GRAMD1A: variants seen among roughly 807,000 people sequenced by gnomAD.
GRAMD1A encodes the protein protein Aster-A.
Under a neutral mutation model 92.0 loss-of-function variants are expected in GRAMD1A, and 50 were observed. That is an observed-to-expected ratio of 0.54 (90% confidence interval 0.43 to 0.69). GRAMD1A has a LOEUF of 0.69. Ranked by LOEUF, GRAMD1A falls within the 30% of genes least tolerant of loss-of-function variation. The probability of loss-of-function intolerance (pLI) is 0.00; values close to 1 mark genes in which losing one functional copy is unlikely to be tolerated. For synonymous variants in GRAMD1A, 405 were observed against 403.6 expected, an observed-to-expected ratio of 1.00 and a Z score of -0.04; for missense variants, 819 against 978.9, an observed-to-expected ratio of 0.84 and a Z score of 2.18.
intron 1 of GRAMD1A, among the ~76,000 whole-genome samples, chr19:35,006,424 A>T (rs1471751404): frequency 6.6e-6 from 1 of 152,252 alleles, no homozygotes; most frequent in African/African-American, 2.4e-5. Context: ...ATGGTGAATC[A>T]TATCAAAGGC....
chr19:35,011,178 C>G (rs1005066315), intron 6 of GRAMD1A, among the ~76,000 whole-genome samples: 3 of 152,142 alleles, frequency 2.0e-5, no homozygotes, highest in Non-Finnish European at 2.9e-5. Context: ...TGGGCTCCCC[C>G]CATCACATCC....
At position 35,021,844 on chromosome 19, in the gene GRAMD1A, G is replaced by T. The variant is rs201696171; in HGVS notation, c.1733G>T (p.Arg578Leu). 4.6e-5 allele frequency: 73 copies of T among 1,603,378 alleles called. No individual in the cohort carries two copies. In the African/African-American group the frequency reaches 8.3e-4, roughly 18 times the overall value. The change falls in exon 15 of 20, where the codon CGG becomes CTG. Residue 578 changes from arginine to leucine, a missense_variant. Physicochemically the swap from Arg to Leu is moderately radical, Grantham distance 102 (BLOSUM62 -2). This residue lies in a region of GRAMD1A where 577 missense variants were observed against 674.6 expected (regional missense o/e 0.86). Coordinates refer to ENST00000317991, the MANE Select transcript of GRAMD1A (RefSeq NM_020895.5). The surrounding 1 kb of genome is among the most constrained non-coding windows in gnomAD (Gnocchi z 5.3). The stretch of plus-strand genomic sequence containing the variant: ...CACCCAGATCCTGACCCCTGTGCCC[G>T]GGCCGGCATTCACACCTCGGGTACG... ...PQHPDPDPCA[R>L]AGIHTSGSLS...
At position 35,000,502 on chromosome 19, in the gene GRAMD1A, CT is replaced by C; in HGVS notation, c.8+17del. ...CCATGTTCGAGTAAGGACCGGGCGA[CT>C]AGAGCTCAGGGACCGGGCGCGCGGG... On this transcript the variant is annotated intron_variant, in intron 1 of 19. Coordinates refer to ENST00000317991, the MANE Select transcript of GRAMD1A (RefSeq NM_020895.5). This position sits in a 1 kb window ranked among gnomAD's most constrained non-coding sequence, Gnocchi z 4.9. 7.8e-7 allele frequency: 1 copy of C among 1,275,404 alleles called. No individual in the cohort carries two copies. Among genetic ancestry groups the C allele is most frequent in the South Asian group, 2.5e-5 (1 of 39,866 alleles). The allele number at this position is 1,275,404 out of a possible 1,614,324, so 79.0% of individuals were successfully genotyped here. A position where few individuals can be genotyped will look rare whatever the true frequency, so the allele number is the denominator to read the frequency against.
chr19:35,016,425 C>T (rs1356823260), intron 11 of GRAMD1A, among the ~76,000 whole-genome samples: 1 of 151,262 alleles, frequency 6.6e-6, no homozygotes, highest in Non-Finnish European at 1.5e-5. Flanking sequence ...GGTGAAACCT[C>T]ATCTCTACTA....
upstream of GRAMD1A, among the ~76,000 whole-genome samples, chr19:34,995,573 T>A (rs960607605): frequency 5.8e-5 from 5 of 86,160 alleles, no homozygotes; most frequent in Admixed American, 1.2e-4. Context: ...GATCACGGGT[T>A]TTTTTTTTTT....
chr19:35,021,489 C>G lies in GRAMD1A; in HGVS notation c.1476-13C>G. On this transcript the variant is annotated splice_polypyrimidine_tract_variant and intron_variant, in intron 13 of 19. Transcript: ENST00000317991. The surrounding 1 kb of genome is among the most constrained non-coding windows in gnomAD (Gnocchi z 5.3). Reference sequence around the variant, plus strand: ...CAGACCCTTACCTCCTTCCCCTGATCTCCCAACCCCAGAGTGTCTTCTGAG... The same window carrying G: ...CAGACCCTTACCTCCTTCCCCTGATGTCCCAACCCCAGAGTGTCTTCTGAG... The G allele has an allele frequency of 3.1e-6, 5 of 1,602,728 alleles. No individual in the cohort carries two copies. Among genetic ancestry groups the G allele is most frequent in the Non-Finnish European group, 4.3e-6 (5 of 1,169,624 alleles).
At chr19:35,011,206 C>G (rs1398459352) in intron 6 of GRAMD1A, among the ~76,000 whole-genome samples, 1 of 152,114 alleles carries the variant, frequency 6.6e-6, no homozygotes, top group Non-Finnish European at 1.5e-5. Flanking sequence ...TCTGGGCTGA[C>G]CCTGTCTAGA....
rs568824598 is a variant in GRAMD1A, at chr19:35,013,416, C to T, written c.719+48C>T. ...TTGAAGGGTTCGGGGGAGAACAGGA[C>T]GGTCGGCGTGCAGAGTTCCTGGAGT... On this transcript the variant is annotated intron_variant, in intron 8 of 19. Transcript: ENST00000317991. This position sits in a 1 kb window ranked among gnomAD's most constrained non-coding sequence, Gnocchi z 4.9. 5.0e-5 allele frequency: 75 copies of T among 1,496,828 alleles called. No homozygotes were observed. The South Asian group carries it at 7.3e-4, about 15-fold the overall frequency. 92.7% of individuals were successfully genotyped at this position (1,496,828 alleles called of 1,614,324 possible). A position where few individuals can be genotyped will look rare whatever the true frequency, so the allele number is the denominator to read the frequency against.
chr19:35,009,244 C>T lies in GRAMD1A; in HGVS notation c.134C>T (p.Ser45Leu). The change falls in exon 2 of 20, where the codon TCA becomes TTA. Residue 45 changes from serine (S) to leucine (L), a missense_variant. Ser to Leu is a moderately radical substitution (Grantham distance 145). Transcript: ENST00000317991. ...PEPGTMVEKG[S>L]DSSSEKGGVP... ...CCAGGCACCATGGTGGAGAAGGGAT[C>T]AGATAGCTCCTCAGAGAAGGGTGGG... 1 of 1,613,948 alleles carries T rather than the reference C, an allele frequency of 6.2e-7. No homozygotes were observed. The highest frequency in any genetic ancestry group is 8.5e-7 in the Non-Finnish European group (1 of 1,179,816).
intron 7 of GRAMD1A, among the ~76,000 whole-genome samples, chr19:35,012,620 T>G (rs1025178776): frequency 2.0e-5 from 3 of 152,072 alleles, no homozygotes; most frequent in Non-Finnish European, 4.4e-5. Context: ...CTTGAACACA[T>G]GACTTTCCCT....
chr19:35,014,578 A>T, intron 10 of GRAMD1A, 191 bp downstream of exon 10: 1 of 611,124 alleles, frequency 1.6e-6, no homozygotes, highest in Non-Finnish European at 2.9e-6. Context: ...ACACAAGCAC[A>T]GACTGAAGGC....
chr19:34,997,511 G>C (rs1052180710), upstream of GRAMD1A, among the ~76,000 whole-genome samples: 3 of 152,246 alleles, frequency 2.0e-5, no homozygotes, highest in Admixed American at 1.3e-4. Context: ...AGGGCCATAG[G>C]GGGAAGAGGA....
At chr19:35,022,359 G>T (rs2016122352) in intron 16 of GRAMD1A, among the ~76,000 whole-genome samples, 1 of 152,174 alleles carries the variant, frequency 6.6e-6, no homozygotes, top group South Asian at 2.1e-4. Context: ...TGCCTAACAA[G>T]TGAGGTCATT....
chr19:35,000,158 T>C (rs1244396406), upstream of GRAMD1A: 2 of 1,005,628 alleles, frequency 2.0e-6, no homozygotes, highest in South Asian at 4.7e-5. The surrounding 1 kb of genome is among the most constrained non-coding windows in gnomAD (Gnocchi z 4.9). Flanking sequence ...CCCCTCTGCT[T>C]TCCCTTCTCT....
At position 35,021,085 on chromosome 19, in the gene GRAMD1A, G is replaced by A. The variant is rs1196596178; in HGVS notation, c.1476-417G>A. The stretch of plus-strand genomic sequence containing the variant: ...AGCTGCCCTTGACCCAGATGGGGGC[G>A]GCAGGGAGGAATGGGTTTGGGGAAA... On this transcript the variant is annotated intron_variant, in intron 13 of 19. Coordinates refer to ENST00000317991, the MANE Select transcript of GRAMD1A (RefSeq NM_020895.5). The surrounding 1 kb of genome is among the most constrained non-coding windows in gnomAD (Gnocchi z 5.3). Among the ~76,000 whole-genome samples the A allele has an allele frequency of 6.6e-6, 1 of 152,200 alleles. No individual in the cohort carries two copies.
In GRAMD1A at chr19:35,013,572, C is replaced by T; in HGVS notation, c.751C>T (p.Leu251=). ...TPKEVGDVIA[L]SDITSSGAAD... ...CAAGGAAGTGGGAGATGTGATCGCCCTGAGCGACATCACCTCCTCGGGGGC... is the reference window on the plus strand; with the variant it reads ...CAAGGAAGTGGGAGATGTGATCGCCTTGAGCGACATCACCTCCTCGGGGGC... The change falls in exon 9 of 20, where the codon CTG becomes TTG. Residue 251 remains leucine (L), a synonymous_variant. Transcript: ENST00000317991. The surrounding 1 kb of genome is among the most constrained non-coding windows in gnomAD (Gnocchi z 4.9). 6.2e-7 allele frequency: 1 copy of T among 1,612,112 alleles called. No homozygotes were observed. Among genetic ancestry groups the T allele is most frequent in the Non-Finnish European group, 8.5e-7 (1 of 1,178,892 alleles).
chr19:35,007,059 G>A (rs58082107), intron 1 of GRAMD1A, among the ~76,000 whole-genome samples: 3,369 of 152,258 alleles, frequency 0.022, 121 homozygotes, highest in African/African-American at 0.078. Flanking sequence ...GAGGACATGA[G>A]GTCAGTGAGG....
At chr19:35,004,895 C>T (rs2014685327) in intron 1 of GRAMD1A, among the ~76,000 whole-genome samples, 1 of 152,078 alleles carries the variant, frequency 6.6e-6, no homozygotes, top group Admixed American at 6.5e-5. Flanking sequence ...GAGGTGGGCA[C>T]TAATTCCCAT....
In GRAMD1A at chr19:35,023,490, C is replaced by T. The variant is rs751231513; in HGVS notation, c.2025C>T (p.Ser675=). ...TGGCGCTGCAGAAGCAATTCCACAG[C>T]GTGGAGGTGCACAAGTGGAGGCAGA... is the stretch of plus-strand genomic sequence containing the variant. ...EILALQKQFH[S]VEVHKWRQIL... The change falls in exon 19 of 20, where the codon AGC becomes AGT. Residue 675 remains serine (S), a synonymous_variant. Transcript: ENST00000317991. 19 of 1,585,788 alleles carry T rather than the reference C, an allele frequency of 1.2e-5. No homozygotes were observed. In the South Asian group the frequency reaches 1.2e-4, roughly 10 times the overall value.
Sources: allele counts gnomAD v4.1 joint callset (sites outside exome capture counted in the v4.1 genomes callset), GRCh38; gene constraint gnomAD v4.1.1; regional missense constraint gnomAD v4.1.1; non-coding constraint Gnocchi (gnomAD v3.1); transcripts MANE v1.5; gene names NCBI Gene and HGNC (gene_info 2026-07-23, HGNC 2026-07-21).